Variants in EIF2AK4 observed in about 807,000 individuals in gnomAD.
EIF2AK4 encodes the protein eukaryotic translation initiation factor 2 alpha kinase 4.
Under a neutral mutation model 211.1 loss-of-function variants are expected in EIF2AK4, and 139 were observed. That is an observed-to-expected ratio of 0.66 (90% CI 0.57 to 0.76). The LOEUF (loss-of-function observed/expected upper bound fraction) is 0.76. Ranked by LOEUF, EIF2AK4 falls within the 30% of genes least tolerant of loss-of-function variation. The pLI, the probability that EIF2AK4 is intolerant of heterozygous loss-of-function variation, is 0.00. For synonymous variants in EIF2AK4, 710 were observed against 751.3 expected (o/e 0.94, Z 0.90); for missense variants, 1,664 against 2,043.8 (o/e 0.81, Z 3.58).
chr15:39,971,713 T>C (rs1025545396), intron 9 of EIF2AK4, among the ~76,000 whole-genome samples: 4 of 147,038 alleles, frequency 2.7e-5, no homozygotes, highest in Admixed American at 1.4e-4. Flanking sequence ...CAAAACCTTA[T>C]CTCAAAAAAA....
chr15:40,000,655 T>C (rs2035077413), intron 20 of EIF2AK4, among the ~76,000 whole-genome samples: 1 of 152,244 alleles, frequency 6.6e-6, no homozygotes, highest in Non-Finnish European at 1.5e-5. Context: ...ATTTGTTTTA[T>C]CTTTTTACAT....
chr15:40,017,532 T>C (rs1475420061), intron 29 of EIF2AK4, among the ~76,000 whole-genome samples: 1 of 97,460 alleles, frequency 1.0e-5, no homozygotes, highest in African/African-American at 4.7e-5. Flanking sequence ...TATATATATA[T>C]ATATATATAT....
chr15:40,028,115 G>A (rs556735772), intron 33 of EIF2AK4, among the ~76,000 whole-genome samples: 2 of 148,520 alleles, frequency 1.3e-5, no homozygotes, highest in South Asian at 2.1e-4. Flanking sequence ...CACTTTTGCC[G>A]AGGCTGAAGT....
Position 40,009,621 on chromosome 15 carries a change from A to C in EIF2AK4, c.3584A>C (p.Asn1195Thr), listed in dbSNP as rs1180625772. 1 of 1,581,636 alleles carries C rather than the reference A, an allele frequency of 6.3e-7. No homozygotes were observed. Among genetic ancestry groups the C allele is most frequent in the Non-Finnish European group, 8.6e-7 (1 of 1,165,620 alleles). ...IQEFPALQER[N>T]YSIYLNHTML... ...TTTTTCTCCATATCCCAGGAAAGAAATTACAGTATTTATTTGAACCATACC... is the reference window on the plus strand; with the variant it reads ...TTTTTCTCCATATCCCAGGAAAGAACTTACAGTATTTATTTGAACCATACC... The change falls in exon 26 of 39, where the codon AAT (asparagine) becomes ACT (threonine). Residue 1195 changes from asparagine to threonine, a missense_variant. By Grantham distance (65) the Asn-to-Thr change is moderately conservative. Transcript: ENST00000263791.
chr15:40,001,569 G>C (rs868489514), intron 21 of EIF2AK4, among the ~76,000 whole-genome samples: 1 of 150,152 alleles, frequency 6.7e-6, no homozygotes, highest in Non-Finnish European at 1.5e-5. Context: ...GGCAGGCGGA[G>C]GTTGCAGAGA....
chr15:39,997,732 T>C (rs1366737843), intron 19 of EIF2AK4, among the ~76,000 whole-genome samples: 2 of 152,346 alleles, frequency 1.3e-5, no homozygotes, highest in East Asian at 1.9e-4. Context: ...GTTCTTGGGA[T>C]TAATCCTTGC....
intron 37 of EIF2AK4, 117 bp downstream of exon 37, chr15:40,032,918 G>A: frequency 1.3e-6 from 1 of 770,292 alleles, no homozygotes; most frequent in Non-Finnish European, 2.0e-6. Context: ...GGCAGCTGCA[G>A]GAATTTAGTA....
intron 32 of EIF2AK4, among the ~76,000 whole-genome samples, chr15:40,024,302 C>A (rs768221157): frequency 2.0e-5 from 3 of 151,414 alleles, no homozygotes; most frequent in Non-Finnish European, 4.4e-5. Flanking sequence ...CTCACCTCAG[C>A]CTCCAGCTGG....
rs1463613206 is a variant in EIF2AK4, at chr15:39,967,507, C to T, written c.1181C>T (p.Ser394Leu). The T allele has an allele frequency of 3.7e-6, 6 of 1,614,000 alleles. No individual in the cohort carries two copies. The highest frequency in any genetic ancestry group is 5.1e-6 in the Non-Finnish European group (6 of 1,180,034). Residue 394 changes from serine (S) to leucine (L), a missense_variant, in exon 9 of 39, where the codon TCA becomes TTA. Around this residue, in one of 7 missense-constraint regions of EIF2AK4, gnomAD observed 641 missense variants for 729.6 expected, o/e 0.88. Coordinates refer to ENST00000263791, the MANE Select transcript of EIF2AK4 (RefSeq NM_001013703.4). ...GVSLAAHLSH[S>L]GPIPVHQLRR... ...TCTCTTGCTGCACACCTGAGCCACTCAGGCCCCATCCCTGTGCATCAGCTT... is the reference window on the plus strand; with the variant it reads ...TCTCTTGCTGCACACCTGAGCCACTTAGGCCCCATCCCTGTGCATCAGCTT...
Position 39,996,954 on chromosome 15 carries a change from TC to T in EIF2AK4, c.2767-5del, listed in dbSNP as rs1193906121. 45 of 1,573,968 alleles carry T rather than the reference TC, an allele frequency of 2.9e-5. No individual in the cohort carries two copies. The highest frequency in any genetic ancestry group is 3.9e-5 in the Non-Finnish European group (45 of 1,143,878). On this transcript the variant is annotated splice_polypyrimidine_tract_variant and intron_variant, in intron 18 of 38. Coordinates refer to ENST00000263791, the MANE Select transcript of EIF2AK4 (RefSeq NM_001013703.4). ...AAGGCTCTCTAAATGCAATTATTCTTCCCCCTCAGAAAGTGGATCTCTTCAG... is the reference window on the plus strand; with the variant it reads ...AAGGCTCTCTAAATGCAATTATTCTTCCCCTCAGAAAGTGGATCTCTTCAG...
chr15:39,941,574 T>G (rs1477624318), intron 2 of EIF2AK4, among the ~76,000 whole-genome samples: 2 of 152,198 alleles, frequency 1.3e-5, no homozygotes, highest in Non-Finnish European at 2.9e-5. Flanking sequence ...AGTGCTATAA[T>G]GTTATATAAG....
At chr15:39,992,303 T>A in intron 17 of EIF2AK4, 74 bp downstream of exon 17, 2 of 1,333,834 alleles carry the variant, frequency 1.5e-6, no homozygotes, top group South Asian at 3.0e-5. Context: ...ACCTGTTTTT[T>A]ACTTGTAAAG....
In EIF2AK4 at chr15:39,955,673, C is replaced by A; in HGVS notation, c.648C>A (p.Asp216Glu). 5.0e-6 allele frequency: 8 copies of A among 1,612,984 alleles called. No homozygotes were observed. Among genetic ancestry groups the A allele is most frequent in the Non-Finnish European group, 6.8e-6 (8 of 1,179,702 alleles). Residue 216 changes from aspartate to glutamate, a missense_variant, in exon 6 of 39, where the codon GAC becomes GAA. By Grantham distance (45) the Asp-to-Glu change is conservative. Coordinates refer to ENST00000263791, the MANE Select transcript of EIF2AK4 (RefSeq NM_001013703.4). ...ACCAAGATCATACCTCTAAGAAGGA[C>A]CCAGGAGGACACAGAACGGCTGCCA... Reference protein sequence around the residue: ...LSNQDHTSKKDPGGHRTAAIL... With the variant: ...LSNQDHTSKKEPGGHRTAAIL...
chr15:40,010,426 T>C (rs1041786287), intron 26 of EIF2AK4, among the ~76,000 whole-genome samples: 4 of 152,190 alleles, frequency 2.6e-5, no homozygotes, highest in African/African-American at 9.7e-5. Flanking sequence ...TTCCCTAATT[T>C]AGTCACATCA....
intron 34 of EIF2AK4, 126 bp downstream of exon 34, chr15:40,029,590 G>T (rs1314605811): frequency 4.1e-6 from 4 of 975,374 alleles, no homozygotes; most frequent in Non-Finnish European, 5.9e-6. Flanking sequence ...GCAATAAATT[G>T]TACCACATGG....
At position 40,030,439 on chromosome 15, in the gene EIF2AK4, A is replaced by G. The variant is rs761863451; in HGVS notation, c.4642A>G (p.Arg1548Gly). 3 of 1,613,978 alleles carry G rather than the reference A, an allele frequency of 1.9e-6. No individual in the cohort carries two copies. The highest frequency in any genetic ancestry group is 1.3e-5 in the African/African-American group (1 of 75,022). Residue 1548 changes from arginine to glycine, a missense_variant, in exon 35 of 39, where the codon AGG becomes GGG. By Grantham distance (125) the Arg-to-Gly change is moderately radical (BLOSUM62 -2). Transcript: ENST00000263791. ...GGAGAAGCTGTCAGCCAGCACTAGG[A>G]GGCGCTATGAAACTCAGGTACACTG... ...APEKLSASTR[R>G]RYETQVQTRL...
chr15:39,986,803 C>T (rs541908599), intron 14 of EIF2AK4, among the ~76,000 whole-genome samples: 26 of 152,048 alleles, frequency 1.7e-4, no homozygotes, highest in Admixed American at 8.5e-4. Context: ...TGCAGTGAGC[C>T]GAGATTGCAT....
chr15:39,987,476 T>G (rs886416988), intron 14 of EIF2AK4, among the ~76,000 whole-genome samples: 3 of 152,236 alleles, frequency 2.0e-5, no homozygotes, highest in Non-Finnish European at 2.9e-5. Context: ...TTCTGATATG[T>G]GAATACACTC....
rs2034855535 is a variant in EIF2AK4, at chr15:39,985,721, G to A, written c.2320-84G>A. 3.8e-6 allele frequency: 5 copies of A among 1,302,472 alleles called. No homozygotes were observed. The South Asian group carries it at 5.2e-5, about 14-fold the overall frequency. 80.7% of individuals were successfully genotyped at this position (1,302,472 alleles called of 1,614,324 possible). A position where few individuals can be genotyped will look rare whatever the true frequency, so the allele number is the denominator to read the frequency against. On this transcript the variant is annotated intron_variant, in intron 13 of 38. Coordinates refer to ENST00000263791, the MANE Select transcript of EIF2AK4 (RefSeq NM_001013703.4). ...GCAACTGGGTGGCCCTGTGTTGGGG[G>A]TGGGCACAAATACTTAATGATGGTG... is the stretch of plus-strand genomic sequence containing the variant.
Sources: gnomAD v4.1 joint callset for allele counts (sites outside exome capture counted in the v4.1 genomes callset) on GRCh38, gnomAD v4.1.1 for gene constraint, gnomAD v4.1.1 regional missense constraint, MANE v1.5 for transcripts, NCBI Gene and HGNC (gene_info 2026-07-23, HGNC 2026-07-21) for gene names.